The following CNTN6 variants were observed in gnomAD, a reference collection of about 807,000 sequenced individuals.
The protein encoded by CNTN6 is contactin 6.
A neutral mutation model predicts 122.8 loss-of-function variants in CNTN6; 137 were observed. The observed-to-expected ratio is 1.12, with a 90% confidence interval of 0.97 to 1.29. The LOEUF is 1.29. Ranked by LOEUF, CNTN6 falls within the 50% of genes most tolerant of loss-of-function variation. The probability of loss-of-function intolerance (pLI) is 0.00; values close to 1 mark genes in which losing one functional copy is unlikely to be tolerated. For synonymous variants in CNTN6, 570 were observed against 426.0 expected, an observed-to-expected ratio of 1.34 and a Z score of -4.16; for missense variants, 1,634 against 1,223.4, an observed-to-expected ratio of 1.34 and a Z score of -5.01.
intron 2 of CNTN6, among the ~76,000 whole-genome samples, chr3:1,180,723 G>A (rs1408067119): frequency 1.3e-5 from 2 of 152,178 alleles, no homozygotes; most frequent in African/African-American, 2.4e-5. Context: ...TGTATGAGAG[G>A]TTTGGGAGTG....
chr3:1,378,417 T>C (rs535636376), intron 17 of CNTN6, among the ~76,000 whole-genome samples: 5 of 152,296 alleles, frequency 3.3e-5, no homozygotes, highest in East Asian at 3.9e-4. Context: ...TTATTCTTTA[T>C]GGTTATAAAT....
intron 1 of CNTN6, among the ~76,000 whole-genome samples, chr3:1,131,764 T>G (rs966235959): frequency 2.0e-5 from 3 of 152,138 alleles, no homozygotes; most frequent in African/African-American, 7.2e-5. Context: ...CCTTTGCCTT[T>G]TCTATCTTCT....
intron 1 of CNTN6, among the ~76,000 whole-genome samples, chr3:1,126,421 C>T (rs1240926717): frequency 1.3e-5 from 2 of 151,908 alleles, no homozygotes; most frequent in Non-Finnish European, 2.9e-5. Context: ...TCAGTTTGAC[C>T]TTTTCCAGTC....
chr3:1,218,392 C>T (rs1184043400), intron 2 of CNTN6, among the ~76,000 whole-genome samples: 1 of 151,974 alleles, frequency 6.6e-6, no homozygotes, highest in Non-Finnish European at 1.5e-5. Flanking sequence ...GTCTGTGTAC[C>T]AAGTGTCAGA....
chr3:1,155,800 C>T (rs950989188), intron 2 of CNTN6, among the ~76,000 whole-genome samples: 6 of 151,780 alleles, frequency 4.0e-5, no homozygotes, highest in African/African-American at 7.3e-5. Flanking sequence ...CCTCTCCCCC[C>T]AAGACATTTG....
chr3:1,368,748 A>G (rs1708576082), intron 12 of CNTN6, among the ~76,000 whole-genome samples: 1 of 152,188 alleles, frequency 6.6e-6, no homozygotes, highest in Non-Finnish European at 1.5e-5. Context: ...CACCAAAATC[A>G]TGTATTTTGT....
At chr3:1,286,032 A>T (rs1269303630) in intron 5 of CNTN6, among the ~76,000 whole-genome samples, 1 of 152,144 alleles carries the variant, frequency 6.6e-6, no homozygotes, top group Non-Finnish European at 1.5e-5. Flanking sequence ...CTCCACTTTC[A>T]GACTCCATTC....
chr3:1,385,845 A>C (rs1240837219), intron 20 of CNTN6, 48 bp downstream of exon 20: 5 of 1,467,242 alleles, frequency 3.4e-6, no homozygotes, highest in Non-Finnish European at 4.6e-6. Flanking sequence ...GTGAAGAGCA[A>C]CCTATTCCTT....
chr3:1,333,943 C>G (rs1416832546), intron 11 of CNTN6, among the ~76,000 whole-genome samples: 2 of 152,046 alleles, frequency 1.3e-5, no homozygotes, highest in East Asian at 3.9e-4. Context: ...TCACATGATT[C>G]AACGTAATTT....
At chr3:1,363,489 C>G (rs1707774042) in intron 12 of CNTN6, among the ~76,000 whole-genome samples, 1 of 151,852 alleles carries the variant, frequency 6.6e-6, no homozygotes, top group South Asian at 2.1e-4. Context: ...TTTTTTGATG[C>G]CACCTATAAT....
intron 7 of CNTN6, among the ~76,000 whole-genome samples, chr3:1,317,308 C>A (rs1700228790): frequency 6.6e-6 from 1 of 151,698 alleles, no homozygotes; most frequent in Non-Finnish European, 1.5e-5. Flanking sequence ...TCCACCATAT[C>A]ATGTAATTCA....
At chr3:1,236,699 C>G (rs2094426840) in intron 4 of CNTN6, among the ~76,000 whole-genome samples, 1 of 152,104 alleles carries the variant, frequency 6.6e-6, no homozygotes, top group Admixed American at 6.5e-5. Flanking sequence ...AAAGATTATG[C>G]CAGCTCACCT....
chr3:1,354,371 A>C (rs554140453), intron 12 of CNTN6, among the ~76,000 whole-genome samples: 26 of 148,530 alleles, frequency 1.8e-4, no homozygotes, highest in South Asian at 1.3e-3. Context: ...CAGTTAACAA[A>C]AAAAAAAAAA....
chr3:1,121,375 T>C (rs998831390), intron 1 of CNTN6, among the ~76,000 whole-genome samples: 2 of 151,914 alleles, frequency 1.3e-5, no homozygotes, highest in Admixed American at 1.3e-4. Context: ...CATAGCTCCT[T>C]TATAAGGTCT....
intron 4 of CNTN6, among the ~76,000 whole-genome samples, chr3:1,265,911 T>C (rs2094918817): frequency 6.6e-6 from 1 of 152,284 alleles, no homozygotes; most frequent in East Asian, 1.9e-4. Context: ...ATGAGTAAAT[T>C]TGTTTGAAAA....
intron 1 of CNTN6, among the ~76,000 whole-genome samples, chr3:1,143,824 A>C (rs2092666986): frequency 6.6e-6 from 1 of 152,214 alleles, no homozygotes; most frequent in African/African-American, 2.4e-5. Flanking sequence ...AACATTTGCT[A>C]TGAAATTATA....
At chr3:1,239,313 C>T (rs2094455127) in intron 4 of CNTN6, among the ~76,000 whole-genome samples, 1 of 152,198 alleles carries the variant, frequency 6.6e-6, no homozygotes, top group Non-Finnish European at 1.5e-5. Context: ...TAAATGAATT[C>T]ACCAAAGTTT....
At chr3:1,230,259 G>A (rs964931367) in intron 4 of CNTN6, among the ~76,000 whole-genome samples, 11 of 152,116 alleles carry the variant, frequency 7.2e-5, no homozygotes, top group Admixed American at 7.2e-4. Flanking sequence ...ATATCTAGTG[G>A]TATGAAATTA....
Position 1,220,696 on chromosome 3 carries a change from T to C in CNTN6, c.65T>C (p.Leu22Pro), listed in dbSNP as rs781512438. ...PLINSSAGDG[L>P]LSRPIFTQEP... ...TCTTTTCTTTTCCCAGGTGATGGTC[T>C]TTTAAGCCGTCCTATTTTTACTCAG... Residue 22 changes from leucine (L) to proline (P), a missense_variant, in exon 3 of 23, where the codon CTT becomes CCT. Coordinates refer to ENST00000446702, the MANE Select transcript of CNTN6 (RefSeq NM_001289080.2). The C allele has an allele frequency of 6.2e-7, 1 of 1,609,886 alleles. No homozygotes were observed. The highest frequency in any genetic ancestry group is 8.5e-7 in the Non-Finnish European group (1 of 1,178,484).
Sources: gnomAD v4.1 joint callset for allele counts (sites outside exome capture counted in the v4.1 genomes callset) on GRCh38, gnomAD v4.1.1 for gene constraint, MANE v1.5 for transcripts, NCBI Gene and HGNC (gene_info 2026-07-23, HGNC 2026-07-21) for gene names.